Variants in SLC16A10 observed in about 807,000 individuals in gnomAD.
SLC16A10 encodes solute carrier family 16 member 10.
In SLC16A10, 27 loss-of-function variants were observed where a neutral mutation model predicts 40.0. That is an observed-to-expected ratio of 0.67 (90% CI 0.50 to 0.93). The LOEUF (loss-of-function observed/expected upper bound fraction) is 0.93. Ranked by LOEUF, SLC16A10 falls within the 40% of genes least tolerant of loss-of-function variation. The pLI, the probability that SLC16A10 is intolerant of heterozygous loss-of-function variation, is 0.00. For missense variants in SLC16A10, 529 were observed against 658.2 expected, an observed-to-expected ratio of 0.80 and a Z score of 2.15; for synonymous variants, 213 against 249.8, an observed-to-expected ratio of 0.85 and a Z score of 1.39.
At chr6:111,115,293 C>T (rs893225848) in intron 1 of SLC16A10, among the ~76,000 whole-genome samples, 3 of 152,212 alleles carry the variant, frequency 2.0e-5, no homozygotes, top group Non-Finnish European at 4.4e-5. Flanking sequence ...TCACTGCAAC[C>T]TCTGCCTCCT....
At chr6:111,115,769 T>C (rs1334340334) in intron 1 of SLC16A10, among the ~76,000 whole-genome samples, 1 of 152,122 alleles carries the variant, frequency 6.6e-6, no homozygotes, top group African/African-American at 2.4e-5. Context: ...ACTTTTAAAA[T>C]AGAGCCTTGA....
intron 1 of SLC16A10, among the ~76,000 whole-genome samples, chr6:111,151,668 G>A (rs922616463): frequency 6.6e-6 from 1 of 152,218 alleles, no homozygotes; most frequent in Non-Finnish European, 1.5e-5. Flanking sequence ...GACATTTAAA[G>A]AATAAAGTCC....
intron 1 of SLC16A10, among the ~76,000 whole-genome samples, chr6:111,124,228 A>C (rs1305707865): frequency 1.3e-5 from 2 of 152,174 alleles, no homozygotes; most frequent in African/African-American, 4.8e-5. Flanking sequence ...CTATGCTTTC[A>C]ACTCTTGTGA....
intron 1 of SLC16A10, among the ~76,000 whole-genome samples, chr6:111,148,523 T>C (rs1224346678): frequency 6.6e-6 from 1 of 152,230 alleles, no homozygotes; most frequent in Non-Finnish European, 1.5e-5. Flanking sequence ...TTCATCAAGA[T>C]AGAAATCTGC....
intron 1 of SLC16A10, among the ~76,000 whole-genome samples, chr6:111,094,085 A>G (rs1771030452): frequency 6.6e-6 from 1 of 152,236 alleles, no homozygotes; most frequent in African/African-American, 2.4e-5. Flanking sequence ...CAATTAGCCA[A>G]AATGAAAAGC....
intron 1 of SLC16A10, among the ~76,000 whole-genome samples, chr6:111,107,140 T>C (rs1308300848): frequency 6.6e-6 from 1 of 152,108 alleles, no homozygotes; most frequent in Non-Finnish European, 1.5e-5. Context: ...TGAGGGGTCT[T>C]GGAAAAGTTC....
chr6:111,116,855 C>T (rs1771495747), intron 1 of SLC16A10, among the ~76,000 whole-genome samples: 1 of 152,114 alleles, frequency 6.6e-6, no homozygotes, highest in Admixed American at 6.5e-5. Context: ...TTGAATTTCT[C>T]TTTAAGAAAA....
At chr6:111,097,012 G>C (rs1042455424) in intron 1 of SLC16A10, among the ~76,000 whole-genome samples, 1 of 151,916 alleles carries the variant, frequency 6.6e-6, no homozygotes, top group Admixed American at 6.6e-5. Context: ...TTGTGGGGGA[G>C]GGTCTCTCTA....
intron 3 of SLC16A10, among the ~76,000 whole-genome samples, chr6:111,206,202 G>A (rs1473684440): frequency 3.3e-5 from 5 of 151,204 alleles, no homozygotes; most frequent in East Asian, 1.9e-4. Flanking sequence ...TCAGCCTCCC[G>A]AGTAGCTGGG....
chr6:111,121,016 T>G (rs1051834526), intron 1 of SLC16A10, among the ~76,000 whole-genome samples: 1 of 152,174 alleles, frequency 6.6e-6, no homozygotes, highest in Non-Finnish European at 1.5e-5. Context: ...TAGAAAAAAA[T>G]ATATATTTTT....
chr6:111,104,494 A>G (rs905829781), intron 1 of SLC16A10, among the ~76,000 whole-genome samples: 5 of 152,170 alleles, frequency 3.3e-5, no homozygotes, highest in Admixed American at 6.5e-5. Flanking sequence ...GAGACCTACA[A>G]TACATTTTGT....
chr6:111,221,758 AC>A lies in SLC16A10; in HGVS notation c.1316-244del, dbSNP rs111927101. 2.4e-4 allele frequency among the ~76,000 whole-genome samples: 36 copies of A among 152,026 alleles called. No homozygotes were observed. The East Asian group carries it at 2.7e-3, about 11-fold the overall frequency. On this transcript the variant is annotated intron_variant, in intron 5 of 5. Coordinates refer to ENST00000368851, the MANE Select transcript of SLC16A10 (RefSeq NM_018593.5). ...GAGACCCTGTCTCAAAAAAAAAAAA[AC>A]GTCTACCTTTCTATCTTTTCAAGTA...
At chr6:111,210,431 A>G (rs1773326517) in intron 4 of SLC16A10, among the ~76,000 whole-genome samples, 2 of 152,192 alleles carry the variant, frequency 1.3e-5, no homozygotes, top group African/African-American at 4.8e-5. Context: ...CTCATCTAAC[A>G]TTTAGTTTTG....
intron 3 of SLC16A10, among the ~76,000 whole-genome samples, chr6:111,199,560 A>G (rs1773134944): frequency 6.6e-6 from 1 of 152,184 alleles, no homozygotes; most frequent in Admixed American, 6.5e-5. Context: ...ACAATTTTTG[A>G]TAACTTGTGA....
intron 1 of SLC16A10, among the ~76,000 whole-genome samples, chr6:111,170,168 G>A (rs1772558504): frequency 6.6e-6 from 1 of 151,890 alleles, no homozygotes; most frequent in South Asian, 2.1e-4. Flanking sequence ...TGCCTGCCTT[G>A]ATCTCCCAAA....
intron 3 of SLC16A10, among the ~76,000 whole-genome samples, chr6:111,201,533 A>G (rs990571894): frequency 6.6e-6 from 1 of 152,190 alleles, no homozygotes; most frequent in African/African-American, 2.4e-5. Context: ...TTTTTAAACT[A>G]TGACTCCCCA....
At chr6:111,126,967 C>T (rs1036221261) in intron 1 of SLC16A10, among the ~76,000 whole-genome samples, 2 of 152,080 alleles carry the variant, frequency 1.3e-5, no homozygotes, top group Admixed American at 6.6e-5. Flanking sequence ...CGGCAAAAAC[C>T]GCAATTACTT....
At chr6:111,092,034 G>A (rs1770984564) in intron 1 of SLC16A10, among the ~76,000 whole-genome samples, 1 of 152,100 alleles carries the variant, frequency 6.6e-6, no homozygotes, top group South Asian at 2.1e-4. Flanking sequence ...ATAAAAGGCT[G>A]AAATTCTAAG....
intron 1 of SLC16A10, among the ~76,000 whole-genome samples, chr6:111,099,842 G>A (rs1030403642): frequency 3.3e-5 from 5 of 151,846 alleles, no homozygotes; most frequent in Non-Finnish European, 1.5e-5. Context: ...GGGCAACATG[G>A]TGAAACCCCA....
Sources: gnomAD v4.1 joint callset for allele counts (sites outside exome capture counted in the v4.1 genomes callset) on GRCh38, gnomAD v4.1.1 for gene constraint, MANE v1.5 for transcripts, NCBI Gene and HGNC (gene_info 2026-07-23, HGNC 2026-07-21) for gene names.